LHX2: variants seen among roughly 807,000 people sequenced by gnomAD.
The protein encoded by LHX2 is LIM homeobox 2, also known as LIM/homeobox protein Lhx2.
In LHX2, 6 loss-of-function variants were observed where a neutral mutation model predicts 33.0. The observed-to-expected ratio is 0.18, with a 90% CI of 0.10 to 0.36. The LOEUF (loss-of-function observed/expected upper bound fraction) is 0.36, where lower values mean the gene tolerates loss of function less well. LHX2 is among the 10% of genes least tolerant of loss of function. The pLI, the probability that LHX2 is intolerant of heterozygous loss-of-function variation, is 1.00. For synonymous variants in LHX2, 292 were observed against 253.1 expected (o/e 1.15, Z -1.46); for missense variants, 442 against 586.2 (o/e 0.75, Z 2.54).
In LHX2 at chr9:124,015,152, C is replaced by T; in HGVS notation, c.354C>T (p.Cys118=). ...TCTCTGTGCAGCGCTGCGCCCGCTG[C>T]CACCTGGGCATCTCGGCCTCGGAGA... The part of the protein sequence containing the change: ...RRFSVQRCAR[C]HLGISASEMV... The change falls in exon 3 of 5, where the codon TGC becomes TGT. Residue 118 remains cysteine (C), a synonymous_variant. Coordinates refer to ENST00000373615, the MANE Select transcript of LHX2 (RefSeq NM_004789.4). The surrounding 1 kb of genome is among the most constrained non-coding windows in gnomAD (Gnocchi z 7.9). 1.2e-6 allele frequency: 2 copies of T among 1,613,830 alleles called. No homozygotes were observed. The highest frequency in any genetic ancestry group is 4.5e-5 in the East Asian group (2 of 44,886).
chr9:124,030,617 TTTTTC>T (rs1334102190), intron 4 of LHX2, among the ~76,000 whole-genome samples: 8 of 140,008 alleles, frequency 5.7e-5, no homozygotes, highest in African/African-American at 2.1e-4. Flanking sequence ...ATGAATTTCA[TTTTTC>T]TTTTCTTTTT....
rs981735826 is a variant in LHX2, at chr9:124,016,231, G to A, written c.727+706G>A. Among the ~76,000 whole-genome samples the A allele has an allele frequency of 6.6e-6, 1 of 152,112 alleles. No homozygotes were observed. The highest frequency in any genetic ancestry group is 1.9e-4 in the East Asian group (1 of 5,146). On this transcript the variant is annotated intron_variant, in intron 3 of 4. Coordinates refer to ENST00000373615, the MANE Select transcript of LHX2 (RefSeq NM_004789.4). The surrounding 1 kb of genome is among the most constrained non-coding windows in gnomAD (Gnocchi z 4.4). ...AGCAGGCCTGGCCTCGCGCCGGGGTGGGGTGGGGTGGGGTGAGGTGGGGGG... is the reference window on the plus strand; with the variant it reads ...AGCAGGCCTGGCCTCGCGCCGGGGTAGGGTGGGGTGGGGTGAGGTGGGGGG...
At position 124,033,060 on chromosome 9, in the gene LHX2, T is replaced by A. The variant is rs1828722044; in HGVS notation, c.*353T>A. ...CTCCATACTTTGGATGACTTGTTCA[T>A]TTTTCTCTCCCTCTTTTTCTCTGTA... On this transcript the variant is annotated 3_prime_UTR_variant, in exon 5 of 5. Transcript: ENST00000373615. 1 of 184,646 alleles carries A rather than the reference T, an allele frequency of 5.4e-6. No individual in the cohort carries two copies. The allele number at this position is 184,646 out of a possible 1,614,324, so 11.4% of individuals were successfully genotyped here.
chr9:124,026,344 G>C (rs1828620988), intron 4 of LHX2, among the ~76,000 whole-genome samples: 1 of 151,964 alleles, frequency 6.6e-6, no homozygotes, highest in South Asian at 2.1e-4. Flanking sequence ...TGTAATCCCA[G>C]CTACTTGGGA....
Position 124,012,461 on chromosome 9 carries a change from C to A in LHX2, c.113C>A (p.Thr38Asn). The change falls in exon 1 of 5, where the codon ACC becomes AAC. Residue 38 changes from threonine (T) to asparagine (N), a missense_variant. Coordinates refer to ENST00000373615, the MANE Select transcript of LHX2 (RefSeq NM_004789.4). The surrounding 1 kb of genome is among the most constrained non-coding windows in gnomAD (Gnocchi z 4.3). ...AGCTCCGCCATCGACCGCGGCGACA[C>A]CGAGACGGTAGGCGCGCGGCTGTGG... ...AISSAIDRGDTETTMPSISSD... is the reference protein window; with the variant it reads ...AISSAIDRGDNETTMPSISSD... 6.5e-7 allele frequency: 1 copy of A among 1,546,728 alleles called. No homozygotes were observed. The highest frequency in any genetic ancestry group is 8.7e-7 in the Non-Finnish European group (1 of 1,154,596).
intron 3 of LHX2, among the ~76,000 whole-genome samples, chr9:124,020,418 A>C (rs1588348317): frequency 6.6e-6 from 1 of 152,318 alleles, no homozygotes; most frequent in African/African-American, 2.4e-5. Context: ...TGCAAAATGC[A>C]GTTTCCAACC....
In LHX2 at chr9:124,015,548, G is replaced by T; in HGVS notation, c.727+23G>T. 1 of 1,450,798 alleles carries T rather than the reference G, an allele frequency of 6.9e-7. No individual in the cohort carries two copies. The highest frequency in any genetic ancestry group is 9.1e-7 in the Non-Finnish European group (1 of 1,100,160). The allele number at this position is 1,450,798 out of a possible 1,614,324, so 89.9% of individuals were successfully genotyped here. A position where few individuals can be genotyped will look rare whatever the true frequency, so the allele number is the denominator to read the frequency against. On this transcript the variant is annotated intron_variant, in intron 3 of 4. Coordinates refer to ENST00000373615, the MANE Select transcript of LHX2 (RefSeq NM_004789.4). This position sits in a 1 kb window ranked among gnomAD's most constrained non-coding sequence, Gnocchi z 7.9. The stretch of plus-strand genomic sequence containing the variant: ...CTGGTGAGTGCGCGGCGCACGAAGC[G>T]CCCCCATAGGGTTGGGGGAAAGTGT...
intron 1 of LHX2, 38 bp from the exon 2 acceptor site, chr9:124,013,923 C>T (rs1053424711): frequency 1.9e-6 from 3 of 1,591,708 alleles, no homozygotes; most frequent in Admixed American, 1.7e-5. Context: ...CGCTGGCTGA[C>T]GCAGGCGCTG....
At chr9:124,026,410 A>G (rs1372924917) in intron 4 of LHX2, among the ~76,000 whole-genome samples, 1 of 151,742 alleles carries the variant, frequency 6.6e-6, no homozygotes, top group Non-Finnish European at 1.5e-5. Context: ...GCAGTGAGCC[A>G]AGGTTGCACC....
At chr9:124,030,348 G>A (rs921993123) in intron 4 of LHX2, among the ~76,000 whole-genome samples, 5 of 152,216 alleles carry the variant, frequency 3.3e-5, no homozygotes, top group South Asian at 2.1e-4. Flanking sequence ...CTGGAAATGC[G>A]CAACTGGACA....
chr9:124,019,491 T>G (rs898231349), intron 3 of LHX2, among the ~76,000 whole-genome samples: 2 of 152,142 alleles, frequency 1.3e-5, no homozygotes, highest in African/African-American at 2.4e-5. Context: ...ACGAATAAAT[T>G]TGAAATTTGT....
At chr9:124,021,785 CCT>C (rs1182334107) in intron 4 of LHX2, 1 of 158,560 alleles carries the variant, frequency 6.3e-6, no homozygotes. Flanking sequence ...TTGCTGTCTG[CCT>C]CTGTCTCACT....
chr9:124,030,622 CTTTTCTTT>C (rs1320885879), intron 4 of LHX2, among the ~76,000 whole-genome samples: 1,040 of 94,628 alleles, frequency 0.011, 8 homozygotes, highest in African/African-American at 0.036. Context: ...TTTCATTTTT[CTTTTCTTT>C]TTTTTTTTTT....
At position 124,015,368 on chromosome 9, in the gene LHX2, CGCTGCA is replaced by C. The variant is rs1564548696; in HGVS notation, c.573_578del (p.Ala195_Ala196del). On this transcript the variant is annotated inframe_deletion, in exon 3 of 5. Transcript: ENST00000373615. The surrounding 1 kb of genome is among the most constrained non-coding windows in gnomAD (Gnocchi z 7.9). The stretch of plus-strand genomic sequence containing the variant: ...ACCATGCCGACGTGGCAGCGGCGGC[CGCTGCA>C]GCCGCGGCGGCCAAGAGCGCGGGGC... 1.2e-6 allele frequency: 2 copies of C among 1,609,896 alleles called. No individual in the cohort carries two copies. The highest frequency in any genetic ancestry group is 3.3e-5 in the Admixed American group (2 of 59,750).
At position 124,014,168 on chromosome 9, in the gene LHX2, C is replaced by A. The variant is rs748741647; in HGVS notation, c.323+5C>A. 5 of 1,339,918 alleles carry A rather than the reference C, an allele frequency of 3.7e-6. No homozygotes were observed. Among genetic ancestry groups the A allele is most frequent in the Non-Finnish European group, 5.0e-6 (5 of 1,004,004 alleles). The allele number at this position is 1,339,918 out of a possible 1,614,324, so 83.0% of individuals were successfully genotyped here. On this transcript the variant is annotated splice_donor_5th_base_variant and intron_variant, in intron 2 of 4. Coordinates refer to ENST00000373615, the MANE Select transcript of LHX2 (RefSeq NM_004789.4). The surrounding 1 kb of genome is among the most constrained non-coding windows in gnomAD (Gnocchi z 4.8). ...CTGCAAGGAAGACTACTACAGGTAG[C>A]CCCCCCACCCAACTGCCCCTCAGGA...
At chr9:124,023,081 G>A (rs898934832) in intron 4 of LHX2, among the ~76,000 whole-genome samples, 3 of 152,222 alleles carry the variant, frequency 2.0e-5, no homozygotes, top group Non-Finnish European at 4.4e-5. Flanking sequence ...CTTGGGGTTA[G>A]GTCAAGGACC....
Position 124,015,432 on chromosome 9 carries a change from C to G in LHX2, c.634C>G (p.Pro212Ala). 1 of 1,592,394 alleles carries G rather than the reference C, an allele frequency of 6.3e-7. No individual in the cohort carries two copies. Among genetic ancestry groups the G allele is most frequent in the African/African-American group, 1.3e-5 (1 of 74,164 alleles). Residue 212 changes from proline (P) to alanine (A), a missense_variant, in exon 3 of 5, where the codon CCC (proline) becomes GCC (alanine). Around this residue, in one of 5 missense-constraint regions of LHX2, gnomAD observed 132 missense variants for 139.1 expected, o/e 0.95. Transcript: ENST00000373615. This position sits in a 1 kb window ranked among gnomAD's most constrained non-coding sequence, Gnocchi z 7.9. ...GAAGANPLGL[P>A]YYNGVGTVQK... is the part of the protein sequence containing the mutation. ...AGCAGGGGCCAACCCTCTGGGTCTT[C>G]CCTACTACAATGGCGTGGGCACTGT...
At chr9:124,031,396 CCAA>C (rs925574539) in intron 4 of LHX2, among the ~76,000 whole-genome samples, 3 of 151,860 alleles carry the variant, frequency 2.0e-5, no homozygotes, top group African/African-American at 7.3e-5. Context: ...AAACATTTTA[CCAA>C]CAAGAACTTG....
At chr9:124,020,387 G>A (rs1238946281) in intron 3 of LHX2, among the ~76,000 whole-genome samples, 1 of 152,168 alleles carries the variant, frequency 6.6e-6, no homozygotes, top group African/African-American at 2.4e-5. Flanking sequence ...TCATCTTACA[G>A]GGTAGCGATG....
Sources: allele counts gnomAD v4.1 joint callset (sites outside exome capture counted in the v4.1 genomes callset), GRCh38; gene constraint gnomAD v4.1.1; regional missense constraint gnomAD v4.1.1; non-coding constraint Gnocchi (gnomAD v3.1); transcripts MANE v1.5; gene names NCBI Gene and HGNC (gene_info 2026-07-23, HGNC 2026-07-21).